The following NOTCH4 variants were observed in gnomAD, a reference collection of about 807,000 sequenced individuals.
NOTCH4 encodes the protein neurogenic locus notch homolog protein 4.
In NOTCH4, 138 loss-of-function variants were observed where a neutral mutation model predicts 189.0. That is an observed-to-expected ratio of 0.73 (90% CI 0.64 to 0.84). NOTCH4 has a LOEUF of 0.84. Ranked by LOEUF, NOTCH4 falls within the 40% of genes least tolerant of loss-of-function variation. The pLI is 0.00. For synonymous variants in NOTCH4, 942 were observed against 1,032.8 expected (o/e 0.91, Z 1.69); for missense variants, 2,286 against 2,605.4 (o/e 0.88, Z 2.67).
In NOTCH4 at chr6:32,200,805, A is replaced by T; in HGVS notation, c.4315+26T>A. On this transcript the variant is annotated intron_variant, in intron 23 of 29. Coordinates refer to ENST00000375023, the MANE Select transcript of NOTCH4 (RefSeq NM_004557.4). This position sits in a 1 kb window ranked among gnomAD's most constrained non-coding sequence, Gnocchi z 5.0. The stretch of plus-strand genomic sequence containing the variant: ...GAGAGCTGGCCTGGGAACAGAGGTC[A>T]GAGAAAGTGGCAAGGGGTCACCTAC... The T allele has an allele frequency of 6.4e-7, 1 of 1,571,256 alleles. No individual in the cohort carries two copies.
intron 12 of NOTCH4, among the ~76,000 whole-genome samples, chr6:32,214,593 G>A (rs916400594): frequency 1.3e-5 from 2 of 151,484 alleles, no homozygotes; most frequent in Non-Finnish European, 2.9e-5. Context: ...TTCCCCCAGG[G>A]CCTGGAACAG....
chr6:32,202,578 T>A lies in NOTCH4; in HGVS notation c.3253A>T (p.Ser1085Cys). Reference protein sequence around the residue: ...CPKGFEGPTCSHRAPSCGFHH... With the variant: ...CPKGFEGPTCCHRAPSCGFHH... ...AAGCCGCAGGAAGGGGCCCTGTGGC[T>A]GCAGGTGGGGCCTTCAAAACCCTGT... The change falls in exon 21 of 30, where the codon AGC becomes TGC. Residue 1085 changes from serine (S) to cysteine (C), a missense_variant. This residue lies in a region of NOTCH4 where 1,903 missense variants were observed against 2,261.9 expected (regional missense o/e 0.84). Transcript: ENST00000375023. This position sits in a 1 kb window ranked among gnomAD's most constrained non-coding sequence, Gnocchi z 5.7. 1 of 1,594,086 alleles carries A rather than the reference T, an allele frequency of 6.3e-7. No individual in the cohort carries two copies. Among genetic ancestry groups the A allele is most frequent in the Non-Finnish European group, 8.6e-7 (1 of 1,165,842 alleles).
chr6:32,223,735 G>C, intron 1 of NOTCH4, 121 bp downstream of exon 1: 1 of 1,027,468 alleles, frequency 9.7e-7, no homozygotes, highest in Non-Finnish European at 1.4e-6. Flanking sequence ...TATTTGGGCA[G>C]TGAGAATCTC....
chr6:32,197,725 A>ACAC, intron 26 of NOTCH4, 131 bp from the exon 27 acceptor site: 1 of 734,524 alleles, frequency 1.4e-6, no homozygotes, highest in Non-Finnish European at 2.0e-6. Flanking sequence ...GGCTTTAGCC[A>ACAC]AGTGACTTTT....
chr6:32,220,692 T>C, intron 5 of NOTCH4, 51 bp from the exon 6 acceptor site: 1 of 1,612,288 alleles, frequency 6.2e-7, no homozygotes, highest in Non-Finnish European at 8.5e-7. Flanking sequence ...GCCCTATGAG[T>C]AGGGGAGGCC....
Position 32,201,187 on chromosome 6 carries a change from G to A in NOTCH4, c.4069C>T (p.Pro1357Ser). Reference sequence around the variant, plus strand: ...GGGGCTGCTCTCTCCTGATAGGTGGGGTCCCGAGTTCCTCCTAGCTTTTCT... The same window carrying A: ...GGGGCTGCTCTCTCCTGATAGGTGGAGTCCCGAGTTCCTCCTAGCTTTTCT... ...AEEKLGGTRD[P>S]TYQERAAPQT... Residue 1357 changes from proline (P) to serine (S), a missense_variant, in exon 22 of 30, where the codon CCC becomes TCC. Physicochemically the swap from Pro to Ser is moderately conservative, Grantham distance 74. This residue lies in a region of NOTCH4 where 1,903 missense variants were observed against 2,261.9 expected (regional missense o/e 0.84). Transcript: ENST00000375023. The surrounding 1 kb of genome is among the most constrained non-coding windows in gnomAD (Gnocchi z 5.5). 5.0e-6 allele frequency: 8 copies of A among 1,612,900 alleles called. No homozygotes were observed. The highest frequency in any genetic ancestry group is 6.8e-6 in the Non-Finnish European group (8 of 1,179,948).
chr6:32,198,381 G>T lies in NOTCH4; in HGVS notation c.4756+40C>A. The stretch of plus-strand genomic sequence containing the variant: ...CTCTCTGATTCTAATAGGGTCAAAG[G>T]ACTTTTTTTTTTTTTCTTGGTCTGG... On this transcript the variant is annotated intron_variant, in intron 26 of 29. Coordinates refer to ENST00000375023, the MANE Select transcript of NOTCH4 (RefSeq NM_004557.4). The surrounding 1 kb of genome is among the most constrained non-coding windows in gnomAD (Gnocchi z 5.5). The T allele has an allele frequency of 6.5e-7, 1 of 1,547,448 alleles. No individual in the cohort carries two copies. The highest frequency in any genetic ancestry group is 2.2e-5 in the East Asian group (1 of 44,454).
Position 32,219,613 on chromosome 6 carries a change from AG to A in NOTCH4, c.1488del (p.Phe497SerfsTer9), listed in dbSNP as rs775975129. On this transcript the variant is annotated frameshift_variant, in exon 8 of 30. Transcript: ENST00000375023. LOFTEE classifies it high-confidence loss of function. ...ATACCTGGCGGGCAGAGGCAGTGGA[AG>A]GTGGCAAGTAGGTCCAGACAGGTGC... ...PGSTCLDLLA[T>X]FHCLCPPGLE... 6.2e-7 allele frequency: 1 copy of A among 1,613,032 alleles called. No homozygotes were observed. Among genetic ancestry groups the A allele is most frequent in the South Asian group, 1.1e-5 (1 of 91,026 alleles).
At position 32,197,312 on chromosome 6, in the gene NOTCH4, C is replaced by A. The variant is rs766378003; in HGVS notation, c.5039G>T (p.Arg1680Leu). ...PLHAAVAADAREVCQLLLRSR... is the reference protein window; with the variant it reads ...PLHAAVAADALEVCQLLLRSR... Reference sequence around the variant, plus strand: ...GTGTGTGCTAACCTGGCAGACCTCCCGAGCATCAGCAGCCACAGCAGCATG... The same window carrying A: ...GTGTGTGCTAACCTGGCAGACCTCCAGAGCATCAGCAGCCACAGCAGCATG... Residue 1680 changes from arginine (R) to leucine (L), a missense_variant, in exon 27 of 30, where the codon CGG (arginine) becomes CTG (leucine). Coordinates refer to ENST00000375023, the MANE Select transcript of NOTCH4 (RefSeq NM_004557.4). The A allele has an allele frequency of 4.6e-6, 7 of 1,526,180 alleles. No individual in the cohort carries two copies. Among genetic ancestry groups the A allele is most frequent in the Admixed American group, 2.1e-5 (1 of 48,290 alleles). 94.5% of individuals were successfully genotyped at this position (1,526,180 alleles called of 1,614,324 possible). A position where few individuals can be genotyped will look rare whatever the true frequency, so the allele number is the denominator to read the frequency against.
intron 1 of NOTCH4, 68 bp from the exon 2 acceptor site, chr6:32,223,154 G>C: frequency 8.4e-7 from 1 of 1,194,980 alleles, no homozygotes; most frequent in Non-Finnish European, 1.3e-6. Context: ...TCTTCTAGGT[G>C]CTCCTGAGAG....
chr6:32,222,494 C>T lies in NOTCH4; in HGVS notation c.451+17G>A. The T allele has an allele frequency of 6.7e-7, 1 of 1,498,354 alleles. No homozygotes were observed. The highest frequency in any genetic ancestry group is 8.9e-7 in the Non-Finnish European group (1 of 1,128,680). 92.8% of individuals were successfully genotyped at this position (1,498,354 alleles called of 1,614,324 possible). A position where few individuals can be genotyped will look rare whatever the true frequency, so the allele number is the denominator to read the frequency against. On this transcript the variant is annotated intron_variant, in intron 3 of 29. Coordinates refer to ENST00000375023, the MANE Select transcript of NOTCH4 (RefSeq NM_004557.4). ...GCTCCTGCCTGTCCCCTCCTGGCTG[C>T]CCCCAGCAGCGCTTACCTGTCCATC...
At chr6:32,204,005 T>TGG in intron 19 of NOTCH4, 123 bp from the exon 20 acceptor site, 1 of 765,232 alleles carries the variant, frequency 1.3e-6, no homozygotes, top group Non-Finnish European at 1.9e-6. Flanking sequence ...GCATCTTTTC[T>TGG]GGGCGGGGGT....
At position 32,223,976 on chromosome 6, in the gene NOTCH4, G is replaced by T. The variant is rs1173883323; in HGVS notation, c.-48C>A. 1.6e-5 allele frequency: 25 copies of T among 1,552,346 alleles called. No homozygotes were observed. Among genetic ancestry groups the T allele is most frequent in the Non-Finnish European group, 2.2e-5 (25 of 1,157,020 alleles). On this transcript the variant is annotated 5_prime_UTR_variant, in exon 1 of 30. Transcript: ENST00000375023. ...CCGGTCCCTGTCCCTCTTCAGGCAG[G>T]GACCCTCAGAGCTCTCACTGGGGCA...
At chr6:32,220,331 C>A (rs1271922062) in intron 6 of NOTCH4, 47 bp from the exon 7 acceptor site, 1 of 1,610,370 alleles carries the variant, frequency 6.2e-7, no homozygotes, top group Non-Finnish European at 8.5e-7. Flanking sequence ...ACTTGAAGCT[C>A]CTAGCAGTCC....
At chr6:32,222,943 CT>C in intron 2 of NOTCH4, 61 bp downstream of exon 2, 1 of 1,556,208 alleles carries the variant, frequency 6.4e-7, no homozygotes, top group Non-Finnish European at 8.9e-7. Flanking sequence ...TTCCTCACCT[CT>C]CCCCCCCTGC....
In NOTCH4 at chr6:32,218,044, G is replaced by A. The variant is rs756439629; in HGVS notation, c.1575C>T (p.His525=). 6 of 1,614,032 alleles carry A rather than the reference G, an allele frequency of 3.7e-6. No homozygotes were observed. The highest frequency in any genetic ancestry group is 4.5e-5 in the East Asian group (2 of 44,872). The change falls in exon 9 of 30, where the codon CAC becomes CAT. Residue 525 remains histidine (H), a synonymous_variant. Transcript: ENST00000375023. ...NECASAPCLN[H]ADCHDLLNGF... ...CGTTGAGCAGGTCATGGCAATCCGC[G>A]TGGTTCAGGCAGGGAGCTGAGGCAC...
chr6:32,196,998 G>T lies in NOTCH4; in HGVS notation c.5127C>A (p.Ala1709=). ...EDGTTPLMLA[A]RLAVEDLVEE... The stretch of plus-strand genomic sequence containing the variant: ...CAACCAGGTCTTCCACCGCCAGCCT[G>T]GCAGCCAGCATCAAGGGTGTGGTCC... The change falls in exon 28 of 30, where the codon GCC becomes GCA. Residue 1709 remains alanine (A), a synonymous_variant. Transcript: ENST00000375023. The T allele has an allele frequency of 3.1e-6, 5 of 1,612,954 alleles. No individual in the cohort carries two copies. The highest frequency in any genetic ancestry group is 4.2e-6 in the Non-Finnish European group (5 of 1,180,034).
In NOTCH4 at chr6:32,213,086, G is replaced by A. The variant is rs1393059343; in HGVS notation, c.2438+49C>T. 3 of 1,372,476 alleles carry A rather than the reference G, an allele frequency of 2.2e-6. No homozygotes were observed. The Admixed American group carries it at 5.1e-5, about 23-fold the overall frequency. 85.0% of individuals were successfully genotyped at this position (1,372,476 alleles called of 1,614,324 possible). ...CAGGGGGAGATGAGAGGAGGGGTGG[G>A]AAGGCTGAGGGGTTTTCTCCCTTCT... On this transcript the variant is annotated intron_variant, in intron 15 of 29. Coordinates refer to ENST00000375023, the MANE Select transcript of NOTCH4 (RefSeq NM_004557.4).
chr6:32,222,892 C>A, intron 2 of NOTCH4, 86 bp from the exon 3 acceptor site: 2 of 1,548,980 alleles, frequency 1.3e-6, no homozygotes, highest in Non-Finnish European at 1.8e-6. Flanking sequence ...ATTTGTTTCC[C>A]TTCATCTCCT....
Sources: allele counts gnomAD v4.1 joint callset (sites outside exome capture counted in the v4.1 genomes callset), GRCh38; gene constraint gnomAD v4.1.1; regional missense constraint gnomAD v4.1.1; non-coding constraint Gnocchi (gnomAD v3.1); transcripts MANE v1.5; gene names NCBI Gene and HGNC (gene_info 2026-07-23, HGNC 2026-07-21).